The following PELP1 variants were observed in gnomAD, a reference collection of about 807,000 sequenced individuals.
The protein encoded by PELP1 is proline, glutamate and leucine rich protein 1, also known as proline-, glutamic acid- and leucine-rich protein 1.
Under a neutral mutation model 95.5 loss-of-function variants are expected in PELP1, and 32 were observed. That is an observed-to-expected ratio of 0.34 (90% CI 0.25 to 0.45). The LOEUF is 0.45. Among genes scored for constraint, PELP1 ranks in the 20% least tolerant of loss-of-function variants. The pLI, the probability that PELP1 is intolerant of heterozygous loss-of-function variation, is 1.00. For synonymous variants in PELP1, 668 were observed against 600.1 expected, an observed-to-expected ratio of 1.11 and a Z score of -1.65; for missense variants, 1,358 against 1,444.8, an observed-to-expected ratio of 0.94 and a Z score of 0.97.
rs200828786 is a variant in PELP1 at position 4,703,905 on chromosome 17, G to A, written c.207C>T (p.Leu69=). 7.6e-5 allele frequency: 123 copies of A among 1,613,442 alleles called. 1 individual carries two copies. The Middle Eastern group carries it at 1.6e-3, about 22-fold the overall frequency. ...PNRSAPHLPG[L]MCLLRLHGSV... is the part of the protein sequence containing the mutation. ...ACCCATGCAGCCGCAATAGGCACAT[G>A]AGCCCGGGCAAATGTGGGGCCGAGC... Residue 69 remains leucine (L), a synonymous_variant, in exon 1 of 17, where the codon CTC becomes CTT. Coordinates refer to ENST00000572293, the MANE Select transcript of PELP1 (RefSeq NM_014389.3).
chr17:4,698,272 A>G (rs1353701175), intron 1 of PELP1, among the ~76,000 whole-genome samples: 2 of 152,076 alleles, frequency 1.3e-5, no homozygotes, highest in African/African-American at 2.4e-5. Context: ...ACTATTCTGT[A>G]CTCTTTAAAA....
At chr17:4,687,270 T>C (rs889200871) in intron 3 of PELP1, among the ~76,000 whole-genome samples, 14 of 152,192 alleles carry the variant, frequency 9.2e-5, no homozygotes, top group African/African-American at 2.6e-4. Context: ...CTTCGCTGGG[T>C]GTGGTGGCTC....
intron 1 of PELP1, among the ~76,000 whole-genome samples, chr17:4,696,106 T>C (rs945195084): frequency 1.3e-5 from 2 of 150,476 alleles, no homozygotes; most frequent in African/African-American, 4.9e-5. Context: ...GGCAGGAGGA[T>C]GGCTTGAGCC....
chr17:4,672,571 G>T lies in PELP1; in HGVS notation c.2420C>A (p.Thr807Lys). The change falls in exon 16 of 17, where the codon ACA (threonine) becomes AAA (lysine). Residue 807 changes from threonine to lysine, a missense_variant. Coordinates refer to ENST00000572293, the MANE Select transcript of PELP1 (RefSeq NM_014389.3). ...PLPPPPPSGA[T>K]PPPIAPTGPP... ...CCCAGTGGGGGCTATAGGGGGTGGT[G>T]TGGCACCTGAGGGTGGTGGGGGTGG... is the stretch of plus-strand genomic sequence containing the variant. 6.3e-7 allele frequency: 1 copy of T among 1,577,852 alleles called. No homozygotes were observed. The highest frequency in any genetic ancestry group is 8.6e-7 in the Non-Finnish European group (1 of 1,156,756).
rs764897955 is a variant in PELP1 at position 4,674,789 on chromosome 17, C to T, written c.1422+20G>A. ...AAAGGGCACAGGATGAGTCCTAAGG[C>T]GGAGCTGAGGCCTCCTCACCTTAAG... On this transcript the variant is annotated intron_variant, in intron 12 of 16. Coordinates refer to ENST00000572293, the MANE Select transcript of PELP1 (RefSeq NM_014389.3). 41 of 1,603,048 alleles carry T rather than the reference C, an allele frequency of 2.6e-5. 1 individual carries two copies. The highest frequency in any genetic ancestry group is 3.2e-5 in the Non-Finnish European group (38 of 1,173,400).
rs759121133 is a variant in PELP1, at chr17:4,672,987, C to T, written c.2004G>A (p.Pro668=). The change falls in exon 16 of 17, where the codon CCG becomes CCA. Residue 668 remains proline (P), a synonymous_variant. Transcript: ENST00000572293. ...TGGAGCCCACTGAGGGCATGGGGCC[C>T]GGAGGATGGAACGGTGGGGCCCTGA... The part of the protein sequence containing the change: ...SPFRAPPFHP[P]GPMPSVGSMP... 1.4e-5 allele frequency: 22 copies of T among 1,569,692 alleles called. No individual in the cohort carries two copies. The highest frequency in any genetic ancestry group is 1.9e-5 in the Admixed American group (1 of 54,008).
In PELP1 at chr17:4,675,937, C is replaced by T; in HGVS notation, c.981-53G>A. The T allele has an allele frequency of 6.3e-7, 1 of 1,585,742 alleles. No individual in the cohort carries two copies. Among genetic ancestry groups the T allele is most frequent in the South Asian group, 1.1e-5 (1 of 88,334 alleles). ...TCAGAGCAGGCTCCCTGGCATAACT[C>T]CCACACCCACCTTCATCTCCTTTCT... is the stretch of plus-strand genomic sequence containing the variant. On this transcript the variant is annotated intron_variant, in intron 8 of 16. Transcript: ENST00000572293. This position sits in a 1 kb window ranked among gnomAD's most constrained non-coding sequence, Gnocchi z 4.3.
chr17:4,687,310 C>A (rs1033360086), intron 3 of PELP1, among the ~76,000 whole-genome samples: 7 of 152,040 alleles, frequency 4.6e-5, no homozygotes, highest in Non-Finnish European at 1.0e-4. Flanking sequence ...TCTGGGAGGC[C>A]AAGGTGGGCA....
chr17:4,674,431 G>T, intron 13 of PELP1, 79 bp downstream of exon 13: 1 of 1,331,830 alleles, frequency 7.5e-7, no homozygotes, highest in Non-Finnish European at 1.1e-6. Flanking sequence ...TAAGGGTATA[G>T]TAGGTAGGGG....
At chr17:4,677,222 A>C (rs1184772198) in intron 5 of PELP1, among the ~76,000 whole-genome samples, 1 of 152,200 alleles carries the variant, frequency 6.6e-6, no homozygotes, top group Non-Finnish European at 1.5e-5. Context: ...GTATGAGGGC[A>C]GGACAAGGTC....
intron 4 of PELP1, 75 bp from the exon 5 acceptor site, chr17:4,682,648 A>C (rs1203579668): frequency 2.8e-6 from 4 of 1,446,182 alleles, no homozygotes; most frequent in Non-Finnish European, 3.9e-6. Flanking sequence ...CCAGCACCCC[A>C]CAAGGGCCCT....
intron 1 of PELP1, among the ~76,000 whole-genome samples, chr17:4,697,054 G>A (rs552163949): frequency 1.3e-5 from 2 of 152,282 alleles, no homozygotes; most frequent in Admixed American, 6.5e-5. Context: ...CTCAAGAGGT[G>A]TGGGCCTTGA....
chr17:4,673,825 A>C lies in PELP1; in HGVS notation c.1583-151T>G. ...TCTCAACTAGAAAATGGGGATCATA[A>C]AAGTACCTCTACTGTATAGGGCCAC... On this transcript the variant is annotated intron_variant, in intron 13 of 16. Coordinates refer to ENST00000572293, the MANE Select transcript of PELP1 (RefSeq NM_014389.3). The surrounding 1 kb of genome is among the most constrained non-coding windows in gnomAD (Gnocchi z 5.7). 1.4e-6 allele frequency: 1 copy of C among 695,978 alleles called. No homozygotes were observed. The highest frequency in any genetic ancestry group is 1.8e-5 in the African/African-American group (1 of 56,934). The allele number at this position is 695,978 out of a possible 1,614,324, so 43.1% of individuals were successfully genotyped here.
At chr17:4,674,484 TG>T (rs756789193) in intron 13 of PELP1, 25 bp downstream of exon 13, 1 of 1,598,508 alleles carries the variant, frequency 6.3e-7, no homozygotes, top group South Asian at 1.1e-5. Context: ...TGAGCCCCAG[TG>T]GTCCAGGGCA....
chr17:4,682,470 A>T, intron 5 of PELP1, 32 bp downstream of exon 5: 1 of 1,415,312 alleles, frequency 7.1e-7, no homozygotes, highest in Non-Finnish European at 1.0e-6. Context: ...CAACGCTTAC[A>T]CTGGTGGGGA....
chr17:4,683,569 C>G (rs1178738113), intron 3 of PELP1, among the ~76,000 whole-genome samples: 4 of 127,842 alleles, frequency 3.1e-5, no homozygotes, highest in African/African-American at 1.1e-4. Context: ...CTTGCTCTGT[C>G]CCCCAGGGTG....
At chr17:4,685,839 G>A (rs1213450452) in intron 3 of PELP1, among the ~76,000 whole-genome samples, 1 of 151,216 alleles carries the variant, frequency 6.6e-6, no homozygotes. Context: ...GCTCACACCT[G>A]TAATCCCAGC....
chr17:4,675,720 G>T lies in PELP1; in HGVS notation c.1068+77C>A. 2 of 1,025,546 alleles carry T rather than the reference G, an allele frequency of 2.0e-6. No homozygotes were observed. The highest frequency in any genetic ancestry group is 3.0e-6 in the Non-Finnish European group (2 of 666,228). 63.5% of individuals were successfully genotyped at this position (1,025,546 alleles called of 1,614,324 possible). On this transcript the variant is annotated intron_variant, in intron 9 of 16. Transcript: ENST00000572293. The surrounding 1 kb of genome is among the most constrained non-coding windows in gnomAD (Gnocchi z 4.3). ...ACTCCAGGATGACACTGTTTGGGGA[G>T]ACTCAGGTCCCCAGTACTTTCCTGG...
chr17:4,698,678 A>G (rs371582595), intron 1 of PELP1, among the ~76,000 whole-genome samples: 36 of 151,888 alleles, frequency 2.4e-4, no homozygotes, highest in African/African-American at 8.4e-4. Flanking sequence ...AACAACAAAA[A>G]AAACAACTAA....
Sources: allele counts gnomAD v4.1 joint callset (sites outside exome capture counted in the v4.1 genomes callset), GRCh38; gene constraint gnomAD v4.1.1; non-coding constraint Gnocchi (gnomAD v3.1); transcripts MANE v1.5; gene names NCBI Gene and HGNC (gene_info 2026-07-23, HGNC 2026-07-21).